The following MYO10 variants were observed in gnomAD, a reference collection of about 807,000 sequenced individuals.
MYO10 encodes the protein unconventional myosin-X.
MYO10 carries 133 observed loss-of-function variants against 257.3 expected under a neutral mutation model. The ratio of observed to expected loss-of-function variants is 0.52; its 90% confidence interval spans 0.45 to 0.60. The LOEUF is 0.60. Ranked by LOEUF, MYO10 falls within the 20% of genes least tolerant of loss-of-function variation. The pLI is 0.00. For missense variants in MYO10, 2,399 were observed against 2,635.7 expected (o/e 0.91, Z 1.97); for synonymous variants, 1,104 against 1,028.6 (o/e 1.07, Z -1.40).
chr5:16,870,357 A>ATT (rs1395337664), intron 2 of MYO10, among the ~76,000 whole-genome samples: 1 of 151,378 alleles, frequency 6.6e-6, no homozygotes, highest in East Asian at 2.0e-4. Context: ...ACCCTAAGGC[A>ATT]TTTTTCAGGA....
chr5:16,838,289 G>T (rs550458094), intron 2 of MYO10, among the ~76,000 whole-genome samples: 10 of 152,304 alleles, frequency 6.6e-5, no homozygotes, highest in African/African-American at 2.2e-4. Flanking sequence ...ATTTCTTGAA[G>T]GAAATTAAAA....
chr5:16,749,140 C>T (rs998135243), intron 19 of MYO10, among the ~76,000 whole-genome samples: 1 of 152,098 alleles, frequency 6.6e-6, no homozygotes, highest in East Asian at 1.9e-4. Context: ...TGCTGGTTTC[C>T]CTCCCCTGAG....
intron 2 of MYO10, among the ~76,000 whole-genome samples, chr5:16,829,183 A>T (rs968013438): frequency 1.3e-5 from 2 of 152,178 alleles, no homozygotes; most frequent in African/African-American, 4.8e-5. Flanking sequence ...GGCACGGGGC[A>T]TCTGTGGTTG....
At chr5:16,703,185 C>A (rs1270001540) in intron 22 of MYO10, 27 bp from the exon 23 acceptor site, 3 of 1,541,086 alleles carry the variant, frequency 1.9e-6, no homozygotes, top group Non-Finnish European at 2.7e-6. Context: ...ACAAGAGAAT[C>A]GGCATTGAAG....
At chr5:16,729,238 T>C (rs1739487078) in intron 19 of MYO10, among the ~76,000 whole-genome samples, 1 of 152,194 alleles carries the variant, frequency 6.6e-6, no homozygotes, top group African/African-American at 2.4e-5. Flanking sequence ...AACTTTCTCT[T>C]CCTATAGTTT....
At chr5:16,800,262 A>G (rs1273743282) in intron 3 of MYO10, among the ~76,000 whole-genome samples, 1 of 152,188 alleles carries the variant, frequency 6.6e-6, no homozygotes, top group African/African-American at 2.4e-5. Context: ...CATTGTCAAT[A>G]AATTTAAAAT....
chr5:16,843,502 A>T (rs1279954578), intron 2 of MYO10, among the ~76,000 whole-genome samples: 1 of 152,166 alleles, frequency 6.6e-6, no homozygotes, highest in African/African-American at 2.4e-5. Context: ...CACAGTTAGT[A>T]AGCAGCAGGC....
intron 3 of MYO10, among the ~76,000 whole-genome samples, chr5:16,810,407 C>G (rs529474735): frequency 6.6e-6 from 1 of 152,174 alleles, no homozygotes; most frequent in East Asian, 1.9e-4. Context: ...TACTGCAACA[C>G]GCCCTCAGCC....
At chr5:16,923,174 G>A (rs1288544764) in intron 1 of MYO10, among the ~76,000 whole-genome samples, 1 of 152,042 alleles carries the variant, frequency 6.6e-6, no homozygotes, top group Non-Finnish European at 1.5e-5. Flanking sequence ...CACATCATGA[G>A]AAGAACAAAA....
At chr5:16,882,573 TAA>T in intron 1 of MYO10, among the ~76,000 whole-genome samples, 1 of 147,604 alleles carries the variant, frequency 6.8e-6, no homozygotes, top group African/African-American at 2.5e-5. Flanking sequence ...TTATTTAAAT[TAA>T]AAAAAAAAAT....
At position 16,768,711 on chromosome 5, in the gene MYO10, G is replaced by A. The variant is rs544074561; in HGVS notation, c.1060+363C>T. On this transcript the variant is annotated intron_variant, in intron 10 of 40. Coordinates refer to ENST00000513610, the MANE Select transcript of MYO10 (RefSeq NM_012334.3). ...TTTTGGTGATACAAGATCTCACTCT[G>A]TTGCCCAGACTGGAGTGCAGTGGCA... is the stretch of plus-strand genomic sequence containing the variant. Among the ~76,000 whole-genome samples the A allele has an allele frequency of 1.6e-3, 167 of 104,752 alleles. No individual in the cohort carries two copies. The Middle Eastern group carries it at 0.038, about 24-fold the overall frequency. 68.7% of individuals were successfully genotyped at this position (104,752 alleles called of 152,430 possible).
At position 16,670,644 on chromosome 5, in the gene MYO10, G is replaced by C; in HGVS notation, c.5765C>G (p.Ala1922Gly). 1.2e-6 allele frequency: 2 copies of C among 1,613,944 alleles called. No homozygotes were observed. The highest frequency in any genetic ancestry group is 1.7e-6 in the Non-Finnish European group (2 of 1,179,882). Residue 1922 changes from alanine to glycine, a missense_variant, in exon 39 of 41, where the codon GCC becomes GGC. Transcript: ENST00000513610. ...TTTCCTCCACTTGTCAATGATACTGGCTCGAGCAGAGGAGACTTCTTCCTT... is the reference window on the plus strand; with the variant it reads ...TTTCCTCCACTTGTCAATGATACTGCCTCGAGCAGAGGAGACTTCTTCCTT... ...WIKEEVSSAR[A>G]SIIDKWRKFQ... is the part of the protein sequence containing the mutation.
At chr5:16,733,877 C>A (rs972664422) in intron 19 of MYO10, among the ~76,000 whole-genome samples, 1 of 152,070 alleles carries the variant, frequency 6.6e-6, no homozygotes, top group Non-Finnish European at 1.5e-5. Context: ...GCAGCATCCA[C>A]GTCCAGGCAG....
chr5:16,920,398 T>C (rs1745949007), intron 1 of MYO10, among the ~76,000 whole-genome samples: 1 of 151,772 alleles, frequency 6.6e-6, no homozygotes, highest in African/African-American at 2.4e-5. Context: ...AGGCACTGAG[T>C]GAAGAAAGTC....
chr5:16,821,677 A>G (rs913276938), intron 2 of MYO10, among the ~76,000 whole-genome samples: 4 of 151,756 alleles, frequency 2.6e-5, no homozygotes, highest in East Asian at 3.9e-4. Context: ...TGTGTTAGCC[A>G]GGATGGTCTT....
intron 16 of MYO10, 61 bp downstream of exon 16, chr5:16,761,984 C>T: frequency 6.9e-7 from 1 of 1,452,268 alleles, no homozygotes. Flanking sequence ...GCTTCTGAAA[C>T]CACTGTTTTC....
chr5:16,885,420 C>T (rs530912869), intron 1 of MYO10, among the ~76,000 whole-genome samples: 1 of 152,228 alleles, frequency 6.6e-6, no homozygotes, highest in Admixed American at 6.5e-5. Context: ...GCCTGTAATC[C>T]CTGCACTTTG....
intron 3 of MYO10, among the ~76,000 whole-genome samples, chr5:16,799,978 G>A (rs568988731): frequency 6.6e-6 from 1 of 152,250 alleles, no homozygotes; most frequent in Non-Finnish European, 1.5e-5. Context: ...CCATCTTTCA[G>A]AAGAAAAGAT....
intron 19 of MYO10, among the ~76,000 whole-genome samples, chr5:16,742,532 C>T (rs1740051436): frequency 6.6e-6 from 1 of 152,102 alleles, no homozygotes; most frequent in African/African-American, 2.4e-5. Context: ...CAATCAAAAA[C>T]CAGAAGGGCC....
Sources: allele counts gnomAD v4.1 joint callset (sites outside exome capture counted in the v4.1 genomes callset), GRCh38; gene constraint gnomAD v4.1.1; transcripts MANE v1.5; gene names NCBI Gene and HGNC (gene_info 2026-07-23, HGNC 2026-07-21).